The following PRKN variants were observed in gnomAD, a reference collection of about 807,000 sequenced individuals.
The protein encoded by PRKN is parkin RBR E3 ubiquitin protein ligase.
Under a neutral mutation model 59.5 loss-of-function variants are expected in PRKN, and 56 were observed. The observed-to-expected ratio is 0.94, with a 90% CI of 0.76 to 1.18. The LOEUF (loss-of-function observed/expected upper bound fraction) is 1.18. Among genes scored for constraint, PRKN ranks in the 50% most tolerant of loss-of-function variants. PRKN has a pLI of 0.00. For synonymous variants in PRKN, 250 were observed against 222.1 expected, an observed-to-expected ratio of 1.13 and a Z score of -1.12; for missense variants, 657 against 596.4, an observed-to-expected ratio of 1.10 and a Z score of -1.06.
intron 2 of PRKN, among the ~76,000 whole-genome samples, chr6:162,402,177 A>G (rs1787828061): frequency 6.6e-6 from 1 of 151,742 alleles, no homozygotes; most frequent in Non-Finnish European, 1.5e-5. Flanking sequence ...TGAACCCAGA[A>G]AGCAGAGGTT....
intron 7 of PRKN, among the ~76,000 whole-genome samples, chr6:161,594,204 C>A (rs1781832378): frequency 6.6e-6 from 1 of 152,002 alleles, no homozygotes; most frequent in South Asian, 2.1e-4. Context: ...GGACTTCATG[C>A]CAAATCTATT....
Position 161,350,116 on chromosome 6 carries a change from G to T in PRKN, c.1381C>A (p.His461Asn), listed in dbSNP as rs1305965991. The part of the protein sequence containing the change: ...CEWNRVCMGD[H>N]WFDV ...CGCCCTGGCTACACGTCGAACCAGT[G>T]GTCCCCCATGCAGACGCGGTTCCAC... The change falls in exon 12 of 12, where the codon CAC (histidine) becomes AAC (asparagine). Residue 461 changes from histidine to asparagine, a missense_variant. By Grantham distance (68) the His-to-Asn change is moderately conservative. Coordinates refer to ENST00000366898, the MANE Select transcript of PRKN (RefSeq NM_004562.3). 6.2e-7 allele frequency: 1 copy of T among 1,613,026 alleles called. No individual in the cohort carries two copies. Among genetic ancestry groups the T allele is most frequent in the Non-Finnish European group, 8.5e-7 (1 of 1,179,432 alleles).
rs1401945945 is a variant in PRKN, at chr6:161,399,153, G to T, written c.1084-12276C>A. ...GCTGGACGGCCCAACTCCAGGGGAAGATCATCTTTCTACTCCATCCCCTTT... is the reference window on the plus strand; with the variant it reads ...GCTGGACGGCCCAACTCCAGGGGAATATCATCTTTCTACTCCATCCCCTTT... On this transcript the variant is annotated intron_variant, in intron 9 of 11. Transcript: ENST00000366898. The surrounding 1 kb of genome is among the most constrained non-coding windows in gnomAD (Gnocchi z 4.4). 6.6e-6 allele frequency among the ~76,000 whole-genome samples: 1 copy of T among 152,112 alleles called. No homozygotes were observed. Among genetic ancestry groups the T allele is most frequent in the Non-Finnish European group, 1.5e-5 (1 of 68,016 alleles).
At chr6:162,291,315 A>T (rs4235935) in intron 2 of PRKN, among the ~76,000 whole-genome samples, 1 of 150,314 alleles carries the variant, frequency 6.7e-6, no homozygotes, top group Admixed American at 6.6e-5. Context: ...TCTACAGAAG[A>T]GATTGCCTGG....
intron 2 of PRKN, among the ~76,000 whole-genome samples, chr6:162,374,390 GTTTT>G (rs35660808): frequency 1.7e-4 from 25 of 144,452 alleles, no homozygotes; most frequent in Non-Finnish European, 2.9e-4. Context: ...GTCTGCTATA[GTTTT>G]TTTTTTTTTT....
intron 4 of PRKN, among the ~76,000 whole-genome samples, chr6:162,108,921 T>C (rs1335241054): frequency 6.6e-6 from 1 of 152,156 alleles, no homozygotes; most frequent in Non-Finnish European, 1.5e-5. Context: ...GAGGGGTAAG[T>C]CAGTGGTGTT....
chr6:161,499,205 C>T lies in PRKN; in HGVS notation c.1083+49649G>A, dbSNP rs1347999203. On this transcript the variant is annotated intron_variant, in intron 9 of 11. Transcript: ENST00000366898. The surrounding 1 kb of genome is among the most constrained non-coding windows in gnomAD (Gnocchi z 4.2). The stretch of plus-strand genomic sequence containing the variant: ...CAACATTTACAGATTGGGAGATCAA[C>T]GTAAAAGATGCATCCTAAACTTCCC... Among the ~76,000 whole-genome samples, 2 of 149,944 alleles carry T rather than the reference C, an allele frequency of 1.3e-5. No individual in the cohort carries two copies. The highest frequency in any genetic ancestry group is 6.7e-5 in the Admixed American group (1 of 14,952).
chr6:161,857,400 G>A (rs9355363), intron 6 of PRKN, among the ~76,000 whole-genome samples: 64,260 of 151,956 alleles, frequency 0.42, 14,072 homozygotes, highest in East Asian at 0.69. Context: ...GGCTGCATTT[G>A]GTGCATGGAT....
At chr6:162,517,372 G>A (rs1216097373) in intron 1 of PRKN, among the ~76,000 whole-genome samples, 5 of 150,930 alleles carry the variant, frequency 3.3e-5, no homozygotes, top group Admixed American at 6.6e-5. Context: ...CTCAGCCGCC[G>A]GAGTAGCTGG....
intron 9 of PRKN, among the ~76,000 whole-genome samples, chr6:161,519,969 T>A (rs1778758897): frequency 6.6e-6 from 1 of 152,158 alleles, no homozygotes; most frequent in South Asian, 2.1e-4. Context: ...CTGATCTAAT[T>A]TCTTTCTAAA....
In PRKN at chr6:161,510,295, C is replaced by T. The variant is rs149378652; in HGVS notation, c.1083+38559G>A. 5.9e-3 allele frequency among the ~76,000 whole-genome samples: 900 copies of T among 152,002 alleles called. 6 individuals are homozygous for T. The highest frequency in any genetic ancestry group is 0.014 in the African/African-American group (583 of 41,442). ...AATAACTCAACCATCACAGGATGTGCGGTATCATGAAGCGTGATTGTCCCT... is the reference window on the plus strand; with the variant it reads ...AATAACTCAACCATCACAGGATGTGTGGTATCATGAAGCGTGATTGTCCCT... On this transcript the variant is annotated intron_variant, in intron 9 of 11. Coordinates refer to ENST00000366898, the MANE Select transcript of PRKN (RefSeq NM_004562.3).
intron 7 of PRKN, among the ~76,000 whole-genome samples, chr6:161,630,934 T>C (rs1327770339): frequency 9.2e-5 from 14 of 152,148 alleles, no homozygotes; most frequent in Non-Finnish European, 2.9e-5. Flanking sequence ...ACAGATAAAA[T>C]AGGATACAGA....
chr6:162,235,106 G>C (rs909981237), intron 3 of PRKN, among the ~76,000 whole-genome samples: 1 of 152,290 alleles, frequency 6.6e-6, no homozygotes, highest in South Asian at 2.1e-4. Context: ...AGCTGAATGA[G>C]AGGCTTAAGG....
chr6:162,413,923 T>C (rs1324235279), intron 2 of PRKN, among the ~76,000 whole-genome samples: 1 of 152,190 alleles, frequency 6.6e-6, no homozygotes, highest in Non-Finnish European at 1.5e-5. Flanking sequence ...GGCTCACGCC[T>C]GTAGTCCCAG....
At chr6:161,697,288 G>A (rs895243400) in intron 7 of PRKN, among the ~76,000 whole-genome samples, 1 of 152,188 alleles carries the variant, frequency 6.6e-6, no homozygotes, top group Non-Finnish European at 1.5e-5. Context: ...ACTTTTAGGA[G>A]AGAAGGAAAG....
chr6:162,262,870 G>A (rs959565137), intron 2 of PRKN, 105 bp from the exon 3 acceptor site: 150 of 1,473,168 alleles, frequency 1.0e-4, no homozygotes, highest in Non-Finnish European at 1.3e-4. Flanking sequence ...GGAAGCAAAA[G>A]TGACATGTAA....
chr6:162,018,581 A>G (rs1783017115), intron 5 of PRKN, among the ~76,000 whole-genome samples: 1 of 152,176 alleles, frequency 6.6e-6, no homozygotes. Flanking sequence ...GTGTTTTAGG[A>G]CCTGCTTTAA....
chr6:162,053,243 GC>G (rs1399632438), intron 5 of PRKN, among the ~76,000 whole-genome samples: 2 of 152,104 alleles, frequency 1.3e-5, no homozygotes, highest in African/African-American at 4.8e-5. Flanking sequence ...CATGATTCTC[GC>G]TCAAACGCTG....
intron 1 of PRKN, among the ~76,000 whole-genome samples, chr6:162,649,158 T>C (rs1778316109): frequency 6.6e-6 from 1 of 152,158 alleles, no homozygotes. Flanking sequence ...ATACTAAATC[T>C]CCGTCAATAT....
Sources: gnomAD v4.1 joint callset for allele counts (sites outside exome capture counted in the v4.1 genomes callset) on GRCh38, gnomAD v4.1.1 for gene constraint, Gnocchi (gnomAD v3.1) non-coding constraint, MANE v1.5 for transcripts, NCBI Gene and HGNC (gene_info 2026-07-23, HGNC 2026-07-21) for gene names.